The following SLC2A13 variants were observed in gnomAD, a reference collection of about 807,000 sequenced individuals.
The protein encoded by SLC2A13 is proton myo-inositol cotransporter.
Under a neutral mutation model 64.4 loss-of-function variants are expected in SLC2A13, and 32 were observed. The observed-to-expected ratio is 0.50, with a 90% CI of 0.37 to 0.67. SLC2A13 has a LOEUF of 0.67. Ranked by LOEUF, SLC2A13 falls within the 30% of genes least tolerant of loss-of-function variation. The probability of loss-of-function intolerance (pLI) is 0.00; values close to 1 mark genes in which losing one functional copy is unlikely to be tolerated. For missense variants in SLC2A13, 743 were observed against 829.2 expected, an observed-to-expected ratio of 0.90 and a Z score of 1.28; for synonymous variants, 338 against 327.1, an observed-to-expected ratio of 1.03 and a Z score of -0.36.
intron 4 of SLC2A13, among the ~76,000 whole-genome samples, chr12:39,937,106 C>G (rs1945930469): frequency 6.6e-6 from 1 of 151,982 alleles, no homozygotes; most frequent in Non-Finnish European, 1.5e-5. Flanking sequence ...GAACCATGGC[C>G]AAGTGATGAG....
At chr12:40,032,845 T>A (rs893603529) in intron 2 of SLC2A13, among the ~76,000 whole-genome samples, 31 of 152,196 alleles carry the variant, frequency 2.0e-4, no homozygotes, top group African/African-American at 5.5e-4. Flanking sequence ...ATCATTGACC[T>A]CCTCTCTGAA....
At chr12:40,026,067 C>CTGATT (rs1272401354) in intron 3 of SLC2A13, among the ~76,000 whole-genome samples, 1 of 152,208 alleles carries the variant, frequency 6.6e-6, no homozygotes, top group Non-Finnish European at 1.5e-5. Context: ...GGTCCTCAAT[C>CTGATT]ACTGGTGCCA....
chr12:39,852,275 G>A (rs1263826651), intron 6 of SLC2A13, among the ~76,000 whole-genome samples: 2 of 152,206 alleles, frequency 1.3e-5, no homozygotes, highest in Non-Finnish European at 2.9e-5. Flanking sequence ...TCTGAGAAAT[G>A]CTGGTCAGAT....
At chr12:40,029,499 T>C (rs1007361367) in intron 2 of SLC2A13, among the ~76,000 whole-genome samples, 1 of 152,172 alleles carries the variant, frequency 6.6e-6, no homozygotes. Flanking sequence ...CTGATATGCA[T>C]AAGTCATGGA....
intron 4 of SLC2A13, among the ~76,000 whole-genome samples, chr12:39,893,191 A>AT (rs1374253425): frequency 6.6e-6 from 1 of 152,194 alleles, no homozygotes; most frequent in East Asian, 1.9e-4. Flanking sequence ...AGATTGGCCA[A>AT]TTTTCTAGAA....
intron 1 of SLC2A13, among the ~76,000 whole-genome samples, chr12:40,081,131 A>T (rs1345654592): frequency 6.6e-6 from 1 of 152,126 alleles, no homozygotes; most frequent in Non-Finnish European, 1.5e-5. Flanking sequence ...ATCTGCCTTT[A>T]ATATTTTTTC....
intron 4 of SLC2A13, among the ~76,000 whole-genome samples, chr12:39,878,138 C>G (rs76922167): frequency 0.011 from 1,609 of 152,292 alleles, 24 homozygotes; most frequent in African/African-American, 0.035. Flanking sequence ...TAGGAGTAAA[C>G]CAATTATACC....
At chr12:40,008,047 C>A (rs1317620705) in intron 3 of SLC2A13, among the ~76,000 whole-genome samples, 3 of 152,028 alleles carry the variant, frequency 2.0e-5, no homozygotes, top group Non-Finnish European at 4.4e-5. Context: ...TAGTTTAAAC[C>A]AACATATGTA....
chr12:40,079,943 A>C lies in SLC2A13; in HGVS notation c.556+25310T>G, dbSNP rs570577362. Among the ~76,000 whole-genome samples, 73 of 152,248 alleles carry C rather than the reference A, an allele frequency of 4.8e-4. 2 individuals carry two copies. The South Asian group carries it at 0.015, about 31-fold the overall frequency. On this transcript the variant is annotated intron_variant, in intron 1 of 9. Transcript: ENST00000280871. ...CAGTGGCACAATCTCAGCTCACTACAACCTCCATCTCCCAGGTTCAAGTGA... is the reference window on the plus strand; with the variant it reads ...CAGTGGCACAATCTCAGCTCACTACCACCTCCATCTCCCAGGTTCAAGTGA...
chr12:39,874,575 A>G (rs1415990514), intron 4 of SLC2A13, among the ~76,000 whole-genome samples: 1 of 148,318 alleles, frequency 6.7e-6, no homozygotes, highest in Non-Finnish European at 1.5e-5. Context: ...AGATCACACC[A>G]TTGCACTCCA....
At chr12:39,802,704 C>G (rs769518036) in intron 7 of SLC2A13, among the ~76,000 whole-genome samples, 8 of 151,946 alleles carry the variant, frequency 5.3e-5, no homozygotes, top group Non-Finnish European at 1.2e-4. Flanking sequence ...CACATAGTTA[C>G]ATGTCCATAT....
chr12:39,885,252 C>T (rs1308755022), intron 4 of SLC2A13, among the ~76,000 whole-genome samples: 1 of 152,166 alleles, frequency 6.6e-6, no homozygotes, highest in East Asian at 1.9e-4. Flanking sequence ...CACAGACTAA[C>T]CTCACTTGAA....
At chr12:39,988,671 G>GAAGA (rs1947074148) in intron 3 of SLC2A13, among the ~76,000 whole-genome samples, 3 of 108,072 alleles carry the variant, frequency 2.8e-5, no homozygotes, top group Admixed American at 2.1e-4. Flanking sequence ...GGGAGGGAGG[G>GAAGA]AGGGAAGAAG....
intron 6 of SLC2A13, among the ~76,000 whole-genome samples, chr12:39,851,216 A>G (rs1238528319): frequency 6.6e-6 from 1 of 152,206 alleles, no homozygotes; most frequent in Non-Finnish European, 1.5e-5. Context: ...AAATGTTTAT[A>G]GAAACACTAA....
intron 1 of SLC2A13, among the ~76,000 whole-genome samples, chr12:40,052,176 T>C (rs1948269948): frequency 6.6e-6 from 1 of 152,080 alleles, no homozygotes; most frequent in South Asian, 2.1e-4. Context: ...GGTCAGGTCA[T>C]AGATGGAATT....
intron 4 of SLC2A13, among the ~76,000 whole-genome samples, chr12:39,887,499 A>T (rs571507736): frequency 6.6e-6 from 1 of 152,298 alleles, no homozygotes; most frequent in African/African-American, 2.4e-5. Flanking sequence ...ACAGGGATAG[A>T]AAAAAGGGGA....
rs140749838 is a variant in SLC2A13 at position 39,969,071 on chromosome 12, T to C, written c.926-17706A>G. 7.5e-3 allele frequency among the ~76,000 whole-genome samples: 1,145 copies of C among 152,206 alleles called. 15 individuals carry two copies. The highest frequency in any genetic ancestry group is 0.026 in the African/African-American group (1,080 of 41,532). Reference sequence around the variant, plus strand: ...GTGTTTGGTTTTTTTGTCCTTGCGATAGTTTGCTGAGAATGATGGTTTCCA... The same window carrying C: ...GTGTTTGGTTTTTTTGTCCTTGCGACAGTTTGCTGAGAATGATGGTTTCCA... On this transcript the variant is annotated intron_variant, in intron 3 of 9. Coordinates refer to ENST00000280871, the MANE Select transcript of SLC2A13 (RefSeq NM_052885.4).
intron 1 of SLC2A13, among the ~76,000 whole-genome samples, chr12:40,095,974 G>A (rs539560101): frequency 1.1e-4 from 16 of 151,992 alleles, no homozygotes; most frequent in South Asian, 2.1e-4. Flanking sequence ...TCGCTCTGTC[G>A]CCCAGGCTGG....
rs1049083583 is a variant in SLC2A13, at chr12:39,995,496, G to A, written c.925+32805C>T. On this transcript the variant is annotated intron_variant, in intron 3 of 9. Transcript: ENST00000280871. ...TCCTTTAGCTCCCATATGAGAACAT[G>A]TGCATGTCACTTAAAGAGATTTTGA... 2.0e-5 allele frequency among the ~76,000 whole-genome samples: 3 copies of A among 152,176 alleles called. No individual in the cohort carries two copies. In the East Asian group the frequency reaches 5.8e-4, roughly 29 times the overall value.
Sources: gnomAD v4.1 joint callset for allele counts (sites outside exome capture counted in the v4.1 genomes callset) on GRCh38, gnomAD v4.1.1 for gene constraint, MANE v1.5 for transcripts, NCBI Gene and HGNC (gene_info 2026-07-23, HGNC 2026-07-21) for gene names.